PRELID2: variants seen among roughly 807,000 people sequenced by gnomAD.
PRELID2 encodes PRELI domain-containing protein 2.
A neutral mutation model predicts 28.4 loss-of-function variants in PRELID2; 25 were observed. The ratio of observed to expected loss-of-function variants is 0.88; its 90% CI spans 0.64 to 1.23. The LOEUF (loss-of-function observed/expected upper bound fraction) is 1.23. Ranked by LOEUF, PRELID2 falls within the 50% of genes most tolerant of loss-of-function variation. The probability of loss-of-function intolerance (pLI) is 0.00; values close to 1 mark genes in which losing one functional copy is unlikely to be tolerated. For synonymous variants in PRELID2, 76 were observed against 71.6 expected, an observed-to-expected ratio of 1.06 and a Z score of -0.31; for missense variants, 201 against 214.4, an observed-to-expected ratio of 0.94 and a Z score of 0.39.
Position 145,679,277 on chromosome 5 carries a change from TA to T in PRELID2, n.70+85653del, listed in dbSNP as rs373365992. On this transcript the variant is annotated intron_variant and non_coding_transcript_variant, in intron 1 of 2. Coordinates refer to the PRELID2 transcript ENST00000510259. ...AACTTTTCTGCCCCCACTCCCTAAC[TA>T]TAGAAGCCTGAGGCCAGGTGGGAGG... 2.4e-4 allele frequency among the ~76,000 whole-genome samples: 37 copies of T among 152,298 alleles called. No individual in the cohort carries two copies. In the East Asian group the frequency reaches 6.8e-3, roughly 28 times the overall value.
At chr5:145,581,236 A>G (rs566513400) in intron 1 of PRELID2, among the ~76,000 whole-genome samples, 1 of 152,018 alleles carries the variant, frequency 6.6e-6, no homozygotes, top group Non-Finnish European at 1.5e-5. Context: ...TACTCCCCAC[A>G]AAGTGCTGTC....
At chr5:145,732,632 C>T (rs767386804) in intron 1 of PRELID2, among the ~76,000 whole-genome samples, 9 of 152,156 alleles carry the variant, frequency 5.9e-5, no homozygotes, top group Non-Finnish European at 1.2e-4. Context: ...AGATTTATGG[C>T]AAAGTTTCTT....
intron 1 of PRELID2, among the ~76,000 whole-genome samples, chr5:145,680,175 G>C (rs533100986): frequency 6.6e-6 from 1 of 152,146 alleles, no homozygotes; most frequent in Non-Finnish European, 1.5e-5. Flanking sequence ...TGGTTCTGTA[G>C]AACTGGGATG....
intron 1 of PRELID2, among the ~76,000 whole-genome samples, chr5:145,623,238 C>A (rs1226500051): frequency 2.6e-5 from 4 of 151,648 alleles, no homozygotes; most frequent in African/African-American, 9.7e-5. Flanking sequence ...ATCATGAGGT[C>A]ATGAGATTGA....
chr5:145,831,537 C>A (rs1175390213), intron 1 of PRELID2, among the ~76,000 whole-genome samples: 1 of 152,146 alleles, frequency 6.6e-6, no homozygotes. Context: ...CAGTTCATGG[C>A]TTTGAATAAC....
At chr5:145,734,653 A>G (rs1015480301) in intron 1 of PRELID2, among the ~76,000 whole-genome samples, 2 of 152,212 alleles carry the variant, frequency 1.3e-5, no homozygotes, top group Non-Finnish European at 2.9e-5. Context: ...CTTAATCCAG[A>G]AAGAGACCAT....
At chr5:145,293,371 C>T in the PRELID2 span, among the ~76,000 whole-genome samples, 335 of 152,146 alleles carry the variant, frequency 2.2e-3, 2 homozygotes, top group African/African-American at 7.8e-3. Flanking sequence ...TAGAGCTATG[C>T]CAGGCCTAAT....
intron 1 of PRELID2, among the ~76,000 whole-genome samples, chr5:145,701,343 T>C (rs563687401): frequency 7.9e-4 from 120 of 152,326 alleles, no homozygotes; most frequent in Non-Finnish European, 1.5e-3. Context: ...ATGATTTTCA[T>C]GGCATAGTTG....
chr5:145,389,134 T>A, the PRELID2 span, among the ~76,000 whole-genome samples: 1 of 152,142 alleles, frequency 6.6e-6, no homozygotes, highest in Admixed American at 6.6e-5. Context: ...TCTCTCAAAC[T>A]AAATTGCAAC....
At position 145,793,572 on chromosome 5, in the gene PRELID2, G is replaced by A. The variant is rs1000408340; in HGVS notation, c.474+2870C>T. Among the ~76,000 whole-genome samples, 9 of 151,998 alleles carry A rather than the reference G, an allele frequency of 5.9e-5. No individual in the cohort carries two copies. The South Asian group carries it at 8.3e-4, about 14-fold the overall frequency. ...AAAGCTAATTAAACGTGGCCTCTTC[G>A]AAAAGAAAAAGTAAGTCAGAAAAGG... is the stretch of plus-strand genomic sequence containing the variant. On this transcript the variant is annotated intron_variant, in intron 5 of 6. Transcript: ENST00000683046.
intron 1 of PRELID2, among the ~76,000 whole-genome samples, chr5:145,629,048 A>C (rs1753896234): frequency 6.6e-6 from 1 of 152,180 alleles, no homozygotes; most frequent in Non-Finnish European, 1.5e-5. Flanking sequence ...AAGAGTAAAA[A>C]TTAGTGTTTT....
At chr5:145,386,516 C>A in the PRELID2 span, among the ~76,000 whole-genome samples, 1 of 152,076 alleles carries the variant, frequency 6.6e-6, no homozygotes, top group Admixed American at 6.5e-5. Flanking sequence ...CATGCCCCTT[C>A]CCCTTCCATC....
At chr5:145,801,624 T>C (rs1222648251) in intron 4 of PRELID2, among the ~76,000 whole-genome samples, 1 of 152,206 alleles carries the variant, frequency 6.6e-6, no homozygotes, top group African/African-American at 2.4e-5. Flanking sequence ...CTCTCTTTTA[T>C]ACAAGAAGAA....
chr5:145,592,047 C>A (rs7736046), intron 1 of PRELID2, among the ~76,000 whole-genome samples: 106,412 of 152,070 alleles, frequency 0.7, 38,932 homozygotes, highest in African/African-American at 0.92. Context: ...TGGCTCAAGA[C>A]TAGCTCATAA....
At chr5:145,449,408 T>A in the PRELID2 span, among the ~76,000 whole-genome samples, 1 of 152,068 alleles carries the variant, frequency 6.6e-6, no homozygotes. Flanking sequence ...GTGGCTGATC[T>A]CTCCAACTGT....
chr5:145,597,066 T>C (rs774082258), intron 1 of PRELID2, among the ~76,000 whole-genome samples: 3 of 152,206 alleles, frequency 2.0e-5, no homozygotes, highest in African/African-American at 7.2e-5. Context: ...TTAACCTTGC[T>C]GAACATAAGT....
At chr5:145,421,699 A>G in the PRELID2 span, among the ~76,000 whole-genome samples, 4 of 143,856 alleles carry the variant, frequency 2.8e-5, no homozygotes, top group African/African-American at 5.1e-5. Context: ...TGGATTCATT[A>G]ATTTTTTGAA....
the PRELID2 span, among the ~76,000 whole-genome samples, chr5:145,346,694 T>C: frequency 6.6e-6 from 1 of 152,162 alleles, no homozygotes; most frequent in African/African-American, 2.4e-5. Flanking sequence ...CATCTGGCCC[T>C]TTTCAAGAGA....
chr5:145,730,275 T>C (rs1756300740), intron 1 of PRELID2, among the ~76,000 whole-genome samples: 1 of 152,092 alleles, frequency 6.6e-6, no homozygotes, highest in African/African-American at 2.4e-5. Flanking sequence ...TCAGCTTTTC[T>C]CCCAACACAC....
Sources: gnomAD v4.1 joint callset for allele counts (sites outside exome capture counted in the v4.1 genomes callset) on GRCh38, gnomAD v4.1.1 for gene constraint, MANE v1.5 for transcripts, NCBI Gene and HGNC (gene_info 2026-07-23, HGNC 2026-07-21) for gene names.